Variants in MALRD1 observed in about 807,000 individuals in gnomAD.
MALRD1 encodes the protein MAM and LDL receptor class A domain containing 1.
Under a neutral mutation model 242.1 loss-of-function variants are expected in MALRD1, and 247 were observed. The ratio of observed to expected loss-of-function variants is 1.02; its 90% CI spans 0.92 to 1.13. MALRD1 has a LOEUF of 1.13. MALRD1 is among the 50% of genes most tolerant of loss of function. MALRD1 has a pLI of 0.00. For missense variants in MALRD1, 2,989 were observed against 2,533.1 expected, an observed-to-expected ratio of 1.18 and a Z score of -3.86; for synonymous variants, 995 against 866.6, an observed-to-expected ratio of 1.15 and a Z score of -2.60.
chr10:19,059,799 T>C (rs1344075035), intron 1 of MALRD1, among the ~76,000 whole-genome samples: 1 of 152,218 alleles, frequency 6.6e-6, no homozygotes, highest in Non-Finnish European at 1.5e-5. Flanking sequence ...GAAAGCAAGA[T>C]AATATTAGGC....
intron 8 of MALRD1, among the ~76,000 whole-genome samples, chr10:19,131,050 G>A (rs1833082765): frequency 6.6e-6 from 1 of 152,086 alleles, no homozygotes; most frequent in Non-Finnish European, 1.5e-5. Flanking sequence ...CCTGTGAGGT[G>A]TCCTGTCTTT....
At chr10:19,507,207 A>G (rs1349621881) in intron 31 of MALRD1, among the ~76,000 whole-genome samples, 1 of 152,218 alleles carries the variant, frequency 6.6e-6, no homozygotes, top group African/African-American at 2.4e-5. Context: ...CCCCAACTCC[A>G]GCAACGGGGA....
At chr10:19,507,086 G>C (rs1833176140) in intron 31 of MALRD1, among the ~76,000 whole-genome samples, 1 of 151,914 alleles carries the variant, frequency 6.6e-6, no homozygotes, top group Non-Finnish European at 1.5e-5. Flanking sequence ...AGGGAGAGGA[G>C]GTGCCACACA....
At chr10:19,683,489 A>G (rs945909006) in intron 36 of MALRD1, among the ~76,000 whole-genome samples, 2 of 152,198 alleles carry the variant, frequency 1.3e-5, no homozygotes, top group African/African-American at 4.8e-5. Flanking sequence ...AGGAAACTGA[A>G]TCTGCCTGAC....
At chr10:19,293,287 T>A (rs1841536366) in intron 21 of MALRD1, among the ~76,000 whole-genome samples, 1 of 152,222 alleles carries the variant, frequency 6.6e-6, no homozygotes, top group Admixed American at 6.5e-5. Context: ...TACATATATT[T>A]TTTTGCCAAG....
intron 32 of MALRD1, among the ~76,000 whole-genome samples, chr10:19,534,765 TA>T (rs1268626804): frequency 1.3e-5 from 2 of 152,146 alleles, no homozygotes; most frequent in African/African-American, 2.4e-5. Context: ...TTTTGACAAT[TA>T]AAAAATTTAT....
intron 26 of MALRD1, among the ~76,000 whole-genome samples, chr10:19,356,814 TA>T (rs1216685422): frequency 6.6e-6 from 1 of 151,978 alleles, no homozygotes; most frequent in Non-Finnish European, 1.5e-5. Context: ...AATAGAAGTA[TA>T]AAAATGTACC....
At chr10:19,430,366 C>A (rs1451654462) in intron 28 of MALRD1, among the ~76,000 whole-genome samples, 1 of 151,752 alleles carries the variant, frequency 6.6e-6, no homozygotes, top group African/African-American at 2.4e-5. Flanking sequence ...CCACCCACCT[C>A]GGCCTCCCAA....
At chr10:19,169,716 C>G (rs1250501406) in intron 13 of MALRD1, among the ~76,000 whole-genome samples, 4 of 152,108 alleles carry the variant, frequency 2.6e-5, no homozygotes, top group African/African-American at 9.7e-5. Flanking sequence ...TTATCGACAA[C>G]AAATGAAAAA....
chr10:19,209,240 T>C, intron 17 of MALRD1, 28 bp from the exon 18 acceptor site: 1 of 1,475,840 alleles, frequency 6.8e-7, no homozygotes, highest in Non-Finnish European at 9.0e-7. Context: ...CCTAATTATC[T>C]TTTGCTTTTA....
At chr10:19,423,909 G>A (rs1057340918) in intron 28 of MALRD1, among the ~76,000 whole-genome samples, 1 of 152,134 alleles carries the variant, frequency 6.6e-6, no homozygotes, top group Non-Finnish European at 1.5e-5. Flanking sequence ...AATGTCACAA[G>A]ACTAAATGGA....
intron 28 of MALRD1, among the ~76,000 whole-genome samples, chr10:19,433,392 G>C (rs1446450297): frequency 6.6e-6 from 1 of 152,244 alleles, no homozygotes; most frequent in South Asian, 2.1e-4. Flanking sequence ...TCTTTGAAAG[G>C]GAATGTGTGA....
chr10:19,279,490 T>A (rs1033182352), intron 19 of MALRD1, among the ~76,000 whole-genome samples: 4 of 152,182 alleles, frequency 2.6e-5, no homozygotes, highest in African/African-American at 9.7e-5. Context: ...AACTAATAAA[T>A]CAGTCAACAT....
At chr10:19,245,514 C>G (rs10437417) in intron 18 of MALRD1, among the ~76,000 whole-genome samples, 1 of 151,942 alleles carries the variant, frequency 6.6e-6, no homozygotes, top group African/African-American at 2.4e-5. Flanking sequence ...ATCTCAGTTA[C>G]CAGGTCAAGT....
At chr10:19,521,348 A>C (rs937958303) in intron 31 of MALRD1, among the ~76,000 whole-genome samples, 1 of 152,098 alleles carries the variant, frequency 6.6e-6, no homozygotes, top group African/African-American at 2.4e-5. Context: ...TCACCACATC[A>C]TACTTTTTGT....
intron 8 of MALRD1, among the ~76,000 whole-genome samples, chr10:19,132,418 G>A (rs1833146664): frequency 6.6e-6 from 1 of 152,210 alleles, no homozygotes; most frequent in Non-Finnish European, 1.5e-5. Flanking sequence ...AATCTTCACA[G>A]TTGATATGAA....
intron 13 of MALRD1, among the ~76,000 whole-genome samples, chr10:19,170,916 A>C (rs1834893297): frequency 6.6e-6 from 1 of 152,130 alleles, no homozygotes; most frequent in South Asian, 2.1e-4. Flanking sequence ...TGCTCTTATT[A>C]TTGATACCAT....
At chr10:19,292,971 G>T (rs866612973) in intron 21 of MALRD1, among the ~76,000 whole-genome samples, 16 of 151,566 alleles carry the variant, frequency 1.1e-4, no homozygotes, top group African/African-American at 3.6e-4. Context: ...TCTAGTGCTG[G>T]ATATGAATGT....
intron 28 of MALRD1, among the ~76,000 whole-genome samples, chr10:19,414,467 G>A (rs1833422793): frequency 6.6e-6 from 1 of 152,162 alleles, no homozygotes; most frequent in African/African-American, 2.4e-5. Context: ...AGGAAACTCA[G>A]GAAGATGATC....
Sources: allele counts gnomAD v4.1 joint callset (sites outside exome capture counted in the v4.1 genomes callset), GRCh38; gene constraint gnomAD v4.1.1; transcripts MANE v1.5; gene names NCBI Gene and HGNC (gene_info 2026-07-23, HGNC 2026-07-21).